The following PRPF18 variants were observed in gnomAD, a reference collection of about 807,000 sequenced individuals.
The protein encoded by PRPF18 is pre-mRNA-splicing factor 18.
PRPF18 carries 38 observed loss-of-function variants against 46.5 expected under a neutral mutation model. The observed-to-expected ratio is 0.82, with a 90% CI of 0.63 to 1.07. The LOEUF (loss-of-function observed/expected upper bound fraction) is 1.07. Ranked by LOEUF, PRPF18 falls within the 50% of genes least tolerant of loss-of-function variation. The pLI, the probability that PRPF18 is intolerant of heterozygous loss-of-function variation, is 0.00. For synonymous variants in PRPF18, 152 were observed against 146.7 expected, an observed-to-expected ratio of 1.04 and a Z score of -0.26; for missense variants, 263 against 410.0, an observed-to-expected ratio of 0.64 and a Z score of 3.10.
intron 4 of PRPF18, among the ~76,000 whole-genome samples, chr10:13,608,500 CTCTGTG>C (rs1212498523): frequency 6.6e-6 from 1 of 152,198 alleles, no homozygotes; most frequent in Non-Finnish European, 1.5e-5. Flanking sequence ...GCTTTCAGTC[CTCTGTG>C]TCTGTAATGA....
chr10:13,614,149 A>G, intron 8 of PRPF18, 63 bp downstream of exon 8: 1 of 1,255,108 alleles, frequency 8.0e-7, no homozygotes, highest in South Asian at 1.6e-5. Flanking sequence ...ACGTAATATA[A>G]TGTTCATTTG....
intron 9 of PRPF18, among the ~76,000 whole-genome samples, chr10:13,618,615 C>CAAAAAAAAAAAAAAAAAAAA (rs68069523): frequency 2.5e-5 from 1 of 39,982 alleles, no homozygotes; most frequent in Non-Finnish European, 4.9e-5. Context: ...AAGACCCTGT[C>CAAAAAAAAAAAAAAAAAAAA]AAAAAAAAAA....
intron 6 of PRPF18, among the ~76,000 whole-genome samples, chr10:13,611,894 T>C (rs376639972): frequency 3.9e-5 from 6 of 152,026 alleles, no homozygotes; most frequent in East Asian, 1.9e-4. Flanking sequence ...TTTTTTTTTT[T>C]TGGAAACAGA....
At chr10:13,627,022 C>T (rs1180637204) in intron 9 of PRPF18, among the ~76,000 whole-genome samples, 2 of 152,144 alleles carry the variant, frequency 1.3e-5, no homozygotes, top group African/African-American at 4.8e-5. Context: ...TCTCTGGTCC[C>T]TGAGTTTCTC....
intron 9 of PRPF18, among the ~76,000 whole-genome samples, chr10:13,623,441 T>G (rs1307715191): frequency 6.6e-6 from 1 of 152,222 alleles, no homozygotes; most frequent in Non-Finnish European, 1.5e-5. Context: ...GAATTTTAAA[T>G]AGCTGGGTGG....
chr10:13,622,445 A>G (rs1564462197), intron 9 of PRPF18, among the ~76,000 whole-genome samples: 1 of 152,204 alleles, frequency 6.6e-6, no homozygotes, highest in Non-Finnish European at 1.5e-5. Flanking sequence ...ACGGTTGGAA[A>G]AAAAGCCAGA....
chr10:13,652,181 G>T, the PRPF18 span: 1 of 592,320 alleles, frequency 1.7e-6, no homozygotes, highest in Non-Finnish European at 3.0e-6. Context: ...AGGAGGGACG[G>T]GCCCTCTTTT....
At position 13,591,712 on chromosome 10, in the gene PRPF18, C is replaced by T. The variant is rs545778895; in HGVS notation, c.66+4560C>T. 18 of 870,722 alleles carry T rather than the reference C, an allele frequency of 2.1e-5. No homozygotes were observed. The East Asian group carries it at 5.4e-4, about 26-fold the overall frequency. 53.9% of individuals were successfully genotyped at this position (870,722 alleles called of 1,614,324 possible). On this transcript the variant is annotated intron_variant, in intron 1 of 9. Transcript: ENST00000378572. Reference sequence around the variant, plus strand: ...GGGATGTTTTGGGATTTTTACATCGCTGATAACAATTTTGGTTGAGGTGGC... The same window carrying T: ...GGGATGTTTTGGGATTTTTACATCGTTGATAACAATTTTGGTTGAGGTGGC...
intron 1 of PRPF18, chr10:13,592,160 G>A: frequency 1.6e-6 from 1 of 616,746 alleles, no homozygotes. Context: ...GGGAATACCT[G>A]CCAATTCCTC....
chr10:13,625,097 G>A (rs2080481409), intron 9 of PRPF18, among the ~76,000 whole-genome samples: 1 of 152,204 alleles, frequency 6.6e-6, no homozygotes, highest in Non-Finnish European at 1.5e-5. Context: ...ACTTTAGGAG[G>A]CTGAGGTGGG....
chr10:13,655,357 C>T, the PRPF18 span: 1 of 151,956 alleles, frequency 6.6e-6, no homozygotes. Context: ...ATTTACAAAA[C>T]GTTGGTTCTT....
At chr10:13,603,192 C>T (rs1161546539) in intron 3 of PRPF18, among the ~76,000 whole-genome samples, 4 of 152,008 alleles carry the variant, frequency 2.6e-5, no homozygotes, top group African/African-American at 9.7e-5. Context: ...GAAGAAGTTC[C>T]TGCCTTTGCT....
chr10:13,613,352 A>G (rs964288874), intron 6 of PRPF18, among the ~76,000 whole-genome samples: 8 of 152,120 alleles, frequency 5.3e-5, no homozygotes, highest in Non-Finnish European at 8.8e-5. Flanking sequence ...AAACTTAATC[A>G]TGGTCTCTAC....
chr10:13,620,262 A>G lies in PRPF18; in HGVS notation c.948+3709A>G, dbSNP rs1233098582. Among the ~76,000 whole-genome samples, 4 of 152,238 alleles carry G rather than the reference A, an allele frequency of 2.6e-5. No homozygotes were observed. In the South Asian group the frequency reaches 6.2e-4, roughly 24 times the overall value. On this transcript the variant is annotated intron_variant, in intron 9 of 9. Coordinates refer to ENST00000378572, the MANE Select transcript of PRPF18 (RefSeq NM_003675.4). Reference sequence around the variant, plus strand: ...CAAAAGCAGCCAGTGGCTGTGTTCCAGTAAAACCATGTAGAAAAGAGGCAA... The same window carrying G: ...CAAAAGCAGCCAGTGGCTGTGTTCCGGTAAAACCATGTAGAAAAGAGGCAA...
At chr10:13,597,425 T>C (rs2080051372) in intron 1 of PRPF18, 33 bp from the exon 2 acceptor site, 2 of 1,470,256 alleles carry the variant, frequency 1.4e-6, no homozygotes, top group Non-Finnish European at 9.2e-7. Context: ...TGCTCAAGGA[T>C]ATATTATTGA....
chr10:13,630,202 G>T, intron 9 of PRPF18, 58 bp from the exon 10 acceptor site: 1 of 1,330,474 alleles, frequency 7.5e-7, no homozygotes. Context: ...TCAGAGGAAG[G>T]CAGTTAAGAA....
At chr10:13,613,336 G>T (rs1564458256) in intron 6 of PRPF18, among the ~76,000 whole-genome samples, 1 of 152,204 alleles carries the variant, frequency 6.6e-6, no homozygotes, top group East Asian at 1.9e-4. Context: ...TGCTTTCATG[G>T]TTTTTAAACT....
the PRPF18 span, chr10:13,637,071 A>G: frequency 2.8e-5 from 4 of 140,616 alleles, no homozygotes; most frequent in South Asian, 2.4e-4. Flanking sequence ...GTGTCTCACA[A>G]TTTATTCTAC....
the PRPF18 span, chr10:13,654,795 C>T: frequency 4.9e-5 from 23 of 471,542 alleles, no homozygotes; most frequent in Admixed American, 6.8e-4. Context: ...CCTAGGTCCC[C>T]GCTTTGCCAC....
Sources: gnomAD v4.1 joint callset for allele counts (sites outside exome capture counted in the v4.1 genomes callset) on GRCh38, gnomAD v4.1.1 for gene constraint, MANE v1.5 for transcripts, NCBI Gene and HGNC (gene_info 2026-07-23, HGNC 2026-07-21) for gene names.